The following RTN3 variants were observed in gnomAD, a reference collection of about 807,000 sequenced individuals.
RTN3 encodes the protein reticulon-3.
A neutral mutation model predicts 77.8 loss-of-function variants in RTN3; 49 were observed. The ratio of observed to expected loss-of-function variants is 0.63; its 90% CI spans 0.50 to 0.80. RTN3 has a LOEUF of 0.80. Ranked by LOEUF, RTN3 falls within the 30% of genes least tolerant of loss-of-function variation. The pLI, the probability that RTN3 is intolerant of heterozygous loss-of-function variation, is 0.00. For missense variants in RTN3, 1,236 were observed against 1,211.9 expected (o/e 1.02, Z -0.29); for synonymous variants, 464 against 446.9 (o/e 1.04, Z -0.48).
At position 63,750,330 on chromosome 11, in the gene RTN3, G is replaced by A. The variant is rs2014034385; in HGVS notation, c.2738+132G>A. 5.4e-6 allele frequency: 4 copies of A among 745,610 alleles called. No homozygotes were observed. In the South Asian group the frequency reaches 5.5e-5, roughly 10 times the overall value. The allele number at this position is 745,610 out of a possible 1,614,324, so 46.2% of individuals were successfully genotyped here. Reference sequence around the variant, plus strand: ...TAATGCAGCTGATTGGTGGCATGAAGCATCCCCTAGAGACCTTGAAATCAC... The same window carrying A: ...TAATGCAGCTGATTGGTGGCATGAAACATCCCCTAGAGACCTTGAAATCAC... On this transcript the variant is annotated intron_variant, in intron 4 of 8. Transcript: ENST00000377819.
In RTN3 at chr11:63,735,550, TTCTCTCTCTC is replaced by T. The variant is rs71468640; in HGVS notation, c.2531-14399_2531-14390del. 6.1e-3 allele frequency among the ~76,000 whole-genome samples: 262 copies of T among 42,730 alleles called. 1 individual carries two copies. Among genetic ancestry groups the T allele is most frequent in the South Asian group, 0.015 (10 of 680 alleles). The allele number at this position is 42,730 out of a possible 152,430, so 28.0% of individuals were successfully genotyped here. A position where few individuals can be genotyped will look rare whatever the true frequency, so the allele number is the denominator to read the frequency against. ...AATTCAAAGTCCCAGATTCTAACAT[TTCTCTCTCTC>T]TCTCTCTCTCTCTCTCTCTCTCTCT... On this transcript the variant is annotated intron_variant, in intron 3 of 8. Coordinates refer to ENST00000377819, the MANE Select transcript of RTN3 (RefSeq NM_001265589.2).
chr11:63,736,455 AGGCAGGT>A (rs2013127834), intron 3 of RTN3, among the ~76,000 whole-genome samples: 3 of 152,186 alleles, frequency 2.0e-5, no homozygotes, highest in Admixed American at 2.0e-4. Flanking sequence ...TAGGAGGCTG[AGGCAGGT>A]GGATCACCTG....
At chr11:63,741,005 T>G (rs1039369374) in intron 3 of RTN3, among the ~76,000 whole-genome samples, 4 of 152,080 alleles carry the variant, frequency 2.6e-5, no homozygotes, top group Non-Finnish European at 5.9e-5. Flanking sequence ...TTGAGTGTCT[T>G]GTCCAAAATC....
chr11:63,759,871 A>T lies in RTN3; in HGVS notation c.*1670A>T, dbSNP rs1164786993. 1 of 144,686 alleles carries T rather than the reference A, an allele frequency of 6.9e-6. No individual in the cohort carries two copies. The highest frequency in any genetic ancestry group is 1.5e-5 in the Non-Finnish European group (1 of 67,564). The allele number at this position is 144,686 out of a possible 1,614,324, so 9.0% of individuals were successfully genotyped here. ...TTTCAAATTGATGTGGTATTAATAA[A>T]AAAAAAAAAAACACAAACAATGACT... On this transcript the variant is annotated 3_prime_UTR_variant, in exon 9 of 9. Transcript: ENST00000377819.
At chr11:63,742,414 G>A (rs1450653948) in intron 3 of RTN3, among the ~76,000 whole-genome samples, 2 of 151,802 alleles carry the variant, frequency 1.3e-5, no homozygotes, top group Non-Finnish European at 2.9e-5. Flanking sequence ...GAGAGGCCAA[G>A]GCTGGTGGAT....
intron 3 of RTN3, chr11:63,746,903 T>A: frequency 1.1e-5 from 5 of 450,924 alleles, no homozygotes; most frequent in South Asian, 7.8e-5. Context: ...ATTTTGTCAG[T>A]TGTACCAATG....
intron 3 of RTN3, among the ~76,000 whole-genome samples, chr11:63,735,888 C>G (rs1417764903): frequency 6.6e-6 from 1 of 152,032 alleles, no homozygotes; most frequent in Non-Finnish European, 1.5e-5. Flanking sequence ...GAACTTGGAA[C>G]ATTTATTTAA....
In RTN3 at chr11:63,719,233, C is replaced by G. The variant is rs377437871; in HGVS notation, c.731C>G (p.Pro244Arg). 2.5e-6 allele frequency: 4 copies of G among 1,613,970 alleles called. No individual in the cohort carries two copies. The African/African-American group carries it at 4.0e-5, about 16-fold the overall frequency. The change falls in exon 3 of 9, where the codon CCT becomes CGT. Residue 244 changes from proline (P) to arginine (R), a missense_variant. Transcript: ENST00000377819. ...SGDDVIEKDS[P>R]ESPFEVIIDK... ...GATGATGTTATTGAAAAGGATTCCC[C>G]TGAATCACCATTTGAAGTAATTATT...
chr11:63,726,584 C>A (rs554706712), intron 3 of RTN3, among the ~76,000 whole-genome samples: 1 of 152,114 alleles, frequency 6.6e-6, no homozygotes, highest in African/African-American at 2.4e-5. Flanking sequence ...TGAACTGGGC[C>A]GGGTGCAATG....
At chr11:63,698,184 C>A (rs1590794169) in intron 1 of RTN3, among the ~76,000 whole-genome samples, 1 of 151,536 alleles carries the variant, frequency 6.6e-6, no homozygotes, top group African/African-American at 2.4e-5. Context: ...GGTGCCATGG[C>A]TCAATCTCAG....
intron 3 of RTN3, among the ~76,000 whole-genome samples, chr11:63,737,617 G>GA (rs775496160): frequency 2.6e-5 from 4 of 151,270 alleles, no homozygotes; most frequent in Non-Finnish European, 5.9e-5. Context: ...CTCAACAAAA[G>GA]AAAAAAAAGG....
chr11:63,694,117 C>G (rs1469397661), intron 1 of RTN3, among the ~76,000 whole-genome samples: 2 of 150,916 alleles, frequency 1.3e-5, no homozygotes, highest in Non-Finnish European at 3.0e-5. Flanking sequence ...AAGACCCTGT[C>G]TCAAAAAAAA....
intron 3 of RTN3, among the ~76,000 whole-genome samples, chr11:63,745,024 C>T (rs577375155): frequency 7.9e-5 from 12 of 152,258 alleles, no homozygotes; most frequent in Non-Finnish European, 1.2e-4. Flanking sequence ...GGACGCAAAC[C>T]ATGCAGCCTC....
intron 1 of RTN3, among the ~76,000 whole-genome samples, chr11:63,694,646 C>T (rs893721894): frequency 2.0e-5 from 3 of 151,336 alleles, no homozygotes; most frequent in African/African-American, 7.3e-5. Context: ...TTTCTAGAGA[C>T]GAGGTTTCAC....
At chr11:63,723,805 CT>C (rs1203270282) in intron 3 of RTN3, among the ~76,000 whole-genome samples, 1 of 152,060 alleles carries the variant, frequency 6.6e-6, no homozygotes, top group African/African-American at 2.4e-5. Context: ...TATATTCTGC[CT>C]TAAGTTGTTT....
At chr11:63,746,043 G>A (rs535789252) in intron 3 of RTN3, among the ~76,000 whole-genome samples, 44 of 152,196 alleles carry the variant, frequency 2.9e-4, no homozygotes, top group African/African-American at 8.4e-4. Flanking sequence ...ACTCCTAACC[G>A]CAAGTGATCC....
At position 63,719,122 on chromosome 11, in the gene RTN3, T is replaced by C; in HGVS notation, c.620T>C (p.Leu207Ser). 1 of 1,614,192 alleles carries C rather than the reference T, an allele frequency of 6.2e-7. No individual in the cohort carries two copies. The highest frequency in any genetic ancestry group is 8.5e-7 in the Non-Finnish European group (1 of 1,180,046). ...TTGGATGCTGATGACAGATTCACTT[T>C]GCTGACAGCCCAGAAACCACCTACT... Reference protein sequence around the residue: ...TALDADDRFTLLTAQKPPTEY... With the variant: ...TALDADDRFTSLTAQKPPTEY... Residue 207 changes from leucine to serine, a missense_variant, in exon 3 of 9, where the codon TTG becomes TCG. Coordinates refer to ENST00000377819, the MANE Select transcript of RTN3 (RefSeq NM_001265589.2).
At chr11:63,746,374 G>GT (rs2013794426) in intron 3 of RTN3, among the ~76,000 whole-genome samples, 1 of 152,126 alleles carries the variant, frequency 6.6e-6, no homozygotes, top group South Asian at 2.1e-4. Flanking sequence ...ATAGATAGAT[G>GT]TTTTTTTCCT....
Position 63,750,516 on chromosome 11 carries a change from G to A in RTN3, c.2738+318G>A, listed in dbSNP as rs1325869325. 35 of 254,112 alleles carry A rather than the reference G, an allele frequency of 1.4e-4. No homozygotes were observed. In the Admixed American group the frequency reaches 1.5e-3, roughly 11 times the overall value. 15.7% of individuals were successfully genotyped at this position (254,112 alleles called of 1,614,324 possible). ...TGCCCAGGCTGGAGTACAGTGGCGCGATCTCAGCTTATCGCAACCTCTGCC... is the reference window on the plus strand; with the variant it reads ...TGCCCAGGCTGGAGTACAGTGGCGCAATCTCAGCTTATCGCAACCTCTGCC... On this transcript the variant is annotated intron_variant, in intron 4 of 8. Transcript: ENST00000377819.
Sources: allele counts gnomAD v4.1 joint callset (sites outside exome capture counted in the v4.1 genomes callset), GRCh38; gene constraint gnomAD v4.1.1; transcripts MANE v1.5; gene names NCBI Gene and HGNC (gene_info 2026-07-23, HGNC 2026-07-21).